The following PDE10A variants were observed in gnomAD, a reference collection of about 807,000 sequenced individuals.
PDE10A encodes the protein phosphodiesterase 10A.
Under a neutral mutation model 97.7 loss-of-function variants are expected in PDE10A, and 39 were observed. The observed-to-expected ratio is 0.40, with a 90% confidence interval of 0.31 to 0.52. The LOEUF is 0.52. Ranked by LOEUF, PDE10A falls within the 20% of genes least tolerant of loss-of-function variation. PDE10A has a pLI of 0.56. For missense variants in PDE10A, 731 were observed against 1,047.8 expected, an observed-to-expected ratio of 0.70 and a Z score of 4.17; for synonymous variants, 371 against 376.8, an observed-to-expected ratio of 0.98 and a Z score of 0.18.
At chr6:165,872,751 G>A (rs144455666) in intron 1 of PDE10A, among the ~76,000 whole-genome samples, 59 of 152,238 alleles carry the variant, frequency 3.9e-4, no homozygotes, top group African/African-American at 1.2e-3. Context: ...CTGAAACCCC[G>A]CAAATACTCA....
At chr6:165,550,801 G>GCATC (rs1222123743) in intron 1 of PDE10A, among the ~76,000 whole-genome samples, 2 of 152,144 alleles carry the variant, frequency 1.3e-5, no homozygotes, top group African/African-American at 4.8e-5. Context: ...AGCAGACAGT[G>GCATC]CATCCTCCCA....
At chr6:165,723,291 G>T (rs1214236423) in intron 1 of PDE10A, among the ~76,000 whole-genome samples, 3 of 152,208 alleles carry the variant, frequency 2.0e-5, no homozygotes, top group African/African-American at 7.2e-5. Context: ...ACAATTTCTG[G>T]TGATTTGCTG....
intron 1 of PDE10A, among the ~76,000 whole-genome samples, chr6:165,972,201 C>T (rs1014402519): frequency 2.0e-5 from 3 of 152,130 alleles, no homozygotes; most frequent in African/African-American, 7.2e-5. Flanking sequence ...AAGGAGAGTG[C>T]ACCTTTCACT....
intron 5 of PDE10A, 49 bp from the exon 6 acceptor site, chr6:165,435,426 G>A: frequency 1.3e-6 from 2 of 1,514,564 alleles, no homozygotes; most frequent in South Asian, 1.2e-5. Flanking sequence ...CATGTGCATA[G>A]TACAAAAAGA....
At chr6:165,750,055 A>T (rs9348040) in intron 1 of PDE10A, among the ~76,000 whole-genome samples, 1 of 151,996 alleles carries the variant, frequency 6.6e-6, no homozygotes, top group African/African-American at 2.4e-5. Context: ...AACAGGGGGT[A>T]TGTGAGGCCT....
chr6:165,337,391 T>C (rs1394556223), intron 20 of PDE10A, among the ~76,000 whole-genome samples: 1 of 152,228 alleles, frequency 6.6e-6, no homozygotes, highest in Admixed American at 6.5e-5. Flanking sequence ...CATCGAAGCA[T>C]ACAGAAGGAT....
intron 1 of PDE10A, among the ~76,000 whole-genome samples, chr6:165,832,911 A>G (rs1779964152): frequency 6.6e-6 from 1 of 151,892 alleles, no homozygotes; most frequent in Admixed American, 6.6e-5. Context: ...GTTGGCGAGG[A>G]CTCTTTCATA....
chr6:165,562,129 T>C (rs1784551833), intron 1 of PDE10A, among the ~76,000 whole-genome samples: 1 of 152,204 alleles, frequency 6.6e-6, no homozygotes, highest in African/African-American at 2.4e-5. Flanking sequence ...CAGAACTAAA[T>C]GACTAGACCA....
At chr6:165,928,453 G>C (rs1783015834) in intron 1 of PDE10A, among the ~76,000 whole-genome samples, 1 of 152,174 alleles carries the variant, frequency 6.6e-6, no homozygotes. Flanking sequence ...CACGTGCTCA[G>C]ACACCCACTG....
At chr6:165,384,627 AGTGAGT>A (rs1259513332) in intron 17 of PDE10A, among the ~76,000 whole-genome samples, 17 of 60,654 alleles carry the variant, frequency 2.8e-4, no homozygotes, top group African/African-American at 7.3e-4. Context: ...TGTATGTGTG[AGTGAGT>A]GTGTGTGTGT....
chr6:165,927,384 T>C (rs1481864671), intron 1 of PDE10A, among the ~76,000 whole-genome samples: 1 of 152,028 alleles, frequency 6.6e-6, no homozygotes, highest in East Asian at 1.9e-4. Context: ...TATATCAGAA[T>C]GATCATATAA....
At chr6:165,523,434 G>A (rs1291760128) in intron 2 of PDE10A, among the ~76,000 whole-genome samples, 2 of 151,940 alleles carry the variant, frequency 1.3e-5, no homozygotes, top group African/African-American at 4.8e-5. Flanking sequence ...ATAGAGCAAT[G>A]AATAGAATAG....
chr6:165,708,014 A>G (rs1025281417), intron 1 of PDE10A, among the ~76,000 whole-genome samples: 12 of 152,144 alleles, frequency 7.9e-5, no homozygotes, highest in African/African-American at 2.7e-4. Flanking sequence ...TAAAAACTCA[A>G]CACAAACCAA....
chr6:165,734,304 C>T (rs549379369), intron 1 of PDE10A, among the ~76,000 whole-genome samples: 1 of 152,068 alleles, frequency 6.6e-6, no homozygotes, highest in South Asian at 2.1e-4. Flanking sequence ...CAGAGAAGAA[C>T]ATTGCCACCA....
At chr6:165,607,611 T>C (rs149233183) in intron 1 of PDE10A, among the ~76,000 whole-genome samples, 2 of 152,300 alleles carry the variant, frequency 1.3e-5, no homozygotes, top group African/African-American at 2.4e-5. Context: ...ATCCCTATCA[T>C]TAAGCGACAC....
At chr6:165,449,028 A>T in intron 4 of PDE10A, 51 bp from the exon 5 acceptor site, 3 of 1,273,036 alleles carry the variant, frequency 2.4e-6, no homozygotes, top group Non-Finnish European at 3.4e-6. Context: ...GGAGAATCTA[A>T]CATGTATGCA....
intron 18 of PDE10A, among the ~76,000 whole-genome samples, chr6:165,356,054 C>A (rs1021637287): frequency 3.3e-5 from 5 of 152,016 alleles, no homozygotes; most frequent in South Asian, 2.1e-4. Flanking sequence ...AGAGAGCAAG[C>A]AAAGTGGGAG....
intron 1 of PDE10A, among the ~76,000 whole-genome samples, chr6:165,640,157 G>C (rs186776349): frequency 3.3e-5 from 5 of 152,084 alleles, no homozygotes; most frequent in Admixed American, 6.5e-5. Context: ...TTAGGGTATA[G>C]GAAATGCAGA....
chr6:165,709,384 C>T (rs1207066604), intron 1 of PDE10A, among the ~76,000 whole-genome samples: 13 of 148,668 alleles, frequency 8.7e-5, no homozygotes, highest in Admixed American at 8.6e-4. Flanking sequence ...CCGTACCCTC[C>T]ACCACCATGC....
Sources: allele counts gnomAD v4.1 joint callset (sites outside exome capture counted in the v4.1 genomes callset), GRCh38; gene constraint gnomAD v4.1.1; transcripts MANE v1.5; gene names NCBI Gene and HGNC (gene_info 2026-07-23, HGNC 2026-07-21).